The following CSMD1 variants were observed in gnomAD, a reference collection of about 807,000 sequenced individuals.
The protein encoded by CSMD1 is CUB and sushi domain-containing protein 1.
Under a neutral mutation model 417.5 loss-of-function variants are expected in CSMD1, and 213 were observed. The ratio of observed to expected loss-of-function variants is 0.51; its 90% CI spans 0.46 to 0.57. CSMD1 has a LOEUF of 0.57. CSMD1 is among the 20% of genes least tolerant of loss of function. The probability of loss-of-function intolerance (pLI) is 0.00; values close to 1 mark genes in which losing one functional copy is unlikely to be tolerated. For synonymous variants in CSMD1, 2,862 were observed against 1,736.8 expected, an observed-to-expected ratio of 1.65 and a Z score of -16.11; for missense variants, 6,923 against 4,529.7, an observed-to-expected ratio of 1.53 and a Z score of -15.17.
At chr8:4,637,587 A>G (rs767116217) in intron 1 of CSMD1, 29 bp from the exon 2 acceptor site, 4 of 1,439,488 alleles carry the variant, frequency 2.8e-6, no homozygotes, top group South Asian at 1.2e-5. Flanking sequence ...ACAAAAAAGC[A>G]TATTATTCTG....
chr8:3,625,360 G>C (rs1029938428), intron 7 of CSMD1, among the ~76,000 whole-genome samples: 1 of 152,136 alleles, frequency 6.6e-6, no homozygotes, highest in Non-Finnish European at 1.5e-5. Context: ...CCAACCCTGA[G>C]TGAGAGACAA....
intron 40 of CSMD1, among the ~76,000 whole-genome samples, chr8:3,147,729 C>G (rs1021295902): frequency 6.6e-6 from 1 of 152,102 alleles, no homozygotes; most frequent in Non-Finnish European, 1.5e-5. Flanking sequence ...ATCAAGTTTC[C>G]CATAACGTCT....
intron 42 of CSMD1, among the ~76,000 whole-genome samples, chr8:3,111,370 G>C (rs1187659127): frequency 6.7e-6 from 1 of 150,080 alleles, no homozygotes; most frequent in African/African-American, 2.4e-5. Flanking sequence ...GGGACTGTAT[G>C]TAGAGACTAC....
At chr8:4,934,263 C>T (rs1807451014) in intron 1 of CSMD1, among the ~76,000 whole-genome samples, 1 of 152,122 alleles carries the variant, frequency 6.6e-6, no homozygotes, top group Non-Finnish European at 1.5e-5. Flanking sequence ...TAAATATTTC[C>T]CCACAGAATG....
intron 1 of CSMD1, among the ~76,000 whole-genome samples, chr8:4,838,334 G>A (rs1471762104): frequency 6.6e-6 from 1 of 152,126 alleles, no homozygotes; most frequent in Non-Finnish European, 1.5e-5. Context: ...AATTAACAGG[G>A]TAGCTTTGCC....
intron 5 of CSMD1, among the ~76,000 whole-genome samples, chr8:3,888,766 G>C (rs1402876652): frequency 1.3e-5 from 2 of 152,074 alleles, no homozygotes; most frequent in African/African-American, 4.8e-5. Flanking sequence ...CCTTCCAAAT[G>C]GTCCTTCCAT....
At chr8:3,799,067 G>C (rs1291643118) in intron 5 of CSMD1, among the ~76,000 whole-genome samples, 1 of 151,722 alleles carries the variant, frequency 6.6e-6, no homozygotes, top group East Asian at 1.9e-4. Flanking sequence ...TAAATAATTA[G>C]AACATGAAAA....
Position 4,130,358 on chromosome 8 carries a change from T to C in CSMD1, c.416-98259A>G, listed in dbSNP as rs561763785. On this transcript the variant is annotated intron_variant, in intron 3 of 69. Coordinates refer to ENST00000635120, the MANE Select transcript of CSMD1 (RefSeq NM_033225.6). ...TTCCAAAGACCCCCAGTAATGGAAGTGGAATTTGATCCTAATTCCTTGTAA... is the reference window on the plus strand; with the variant it reads ...TTCCAAAGACCCCCAGTAATGGAAGCGGAATTTGATCCTAATTCCTTGTAA... 2.0e-5 allele frequency among the ~76,000 whole-genome samples: 3 copies of C among 152,306 alleles called. No individual in the cohort carries two copies. In the East Asian group the frequency reaches 5.8e-4, roughly 29 times the overall value.
At chr8:3,340,369 A>G (rs1807566673) in intron 23 of CSMD1, among the ~76,000 whole-genome samples, 2 of 152,140 alleles carry the variant, frequency 1.3e-5, no homozygotes, top group African/African-American at 4.8e-5. Context: ...GTTTGTACCC[A>G]TTTCTAAAAA....
intron 5 of CSMD1, among the ~76,000 whole-genome samples, chr8:3,962,750 C>T (rs1812415568): frequency 1.3e-5 from 2 of 152,086 alleles, no homozygotes; most frequent in Admixed American, 6.5e-5. Flanking sequence ...GCTGGACACT[C>T]TCAGAGGCTG....
At chr8:3,392,419 C>T (rs1380266122) in intron 17 of CSMD1, among the ~76,000 whole-genome samples, 1 of 152,034 alleles carries the variant, frequency 6.6e-6, no homozygotes, top group East Asian at 1.9e-4. Context: ...TCGAAGGGTG[C>T]TAGACGGGGT....
intron 6 of CSMD1, among the ~76,000 whole-genome samples, chr8:3,734,658 C>T (rs775440646): frequency 9.2e-5 from 14 of 152,092 alleles, no homozygotes; most frequent in East Asian, 7.7e-4. Context: ...TCGCAGTGAG[C>T]CAAAACTACG....
intron 5 of CSMD1, among the ~76,000 whole-genome samples, chr8:3,984,842 G>A (rs975998653): frequency 2.7e-5 from 4 of 150,052 alleles, no homozygotes; most frequent in African/African-American, 4.9e-5. Flanking sequence ...AGAAAAAGGA[G>A]CAAGAAGAAA....
Position 3,534,363 on chromosome 8 carries a change from T to G in CSMD1, c.1344+40582A>C, listed in dbSNP as rs553651856. 9.2e-5 allele frequency among the ~76,000 whole-genome samples: 14 copies of G among 152,260 alleles called. 1 individual carries two copies. The South Asian group carries it at 2.9e-3, about 32-fold the overall frequency. ...CACACTCCTCTCAGTTCTCTTTAAA[T>G]GCCGTGTTCAGGATTGCTTTGTAGA... On this transcript the variant is annotated intron_variant, in intron 10 of 69. Coordinates refer to ENST00000635120, the MANE Select transcript of CSMD1 (RefSeq NM_033225.6).
At chr8:4,061,724 A>T (rs2552157) in intron 3 of CSMD1, among the ~76,000 whole-genome samples, 1 of 152,124 alleles carries the variant, frequency 6.6e-6, no homozygotes, top group Non-Finnish European at 1.5e-5. Context: ...TTCCTTACCA[A>T]ATTAATTATT....
At chr8:4,823,003 AT>A (rs2117395117) in intron 1 of CSMD1, among the ~76,000 whole-genome samples, 1 of 152,254 alleles carries the variant, frequency 6.6e-6, no homozygotes, top group Non-Finnish European at 1.5e-5. Context: ...AATTATTTGT[AT>A]TTCACAATTT....
chr8:4,545,911 C>T (rs1032206113), intron 2 of CSMD1, among the ~76,000 whole-genome samples: 3 of 152,204 alleles, frequency 2.0e-5, no homozygotes, highest in African/African-American at 7.2e-5. Context: ...TTTTCTCCAT[C>T]ATCTAATCAC....
At chr8:3,222,883 G>T (rs1367121008) in intron 28 of CSMD1, among the ~76,000 whole-genome samples, 3 of 152,172 alleles carry the variant, frequency 2.0e-5, no homozygotes, top group Non-Finnish European at 2.9e-5. Context: ...AGGAGAAAGT[G>T]AGGGTATGTA....
At chr8:4,694,434 C>T (rs564441563) in intron 1 of CSMD1, among the ~76,000 whole-genome samples, 25 of 152,118 alleles carry the variant, frequency 1.6e-4, no homozygotes, top group African/African-American at 4.3e-4. Context: ...TCACTGCAAC[C>T]CCTGCCTCCC....
Sources: gnomAD v4.1 joint callset for allele counts (sites outside exome capture counted in the v4.1 genomes callset) on GRCh38, gnomAD v4.1.1 for gene constraint, MANE v1.5 for transcripts, NCBI Gene and HGNC (gene_info 2026-07-23, HGNC 2026-07-21) for gene names.